Variants in MAP2K4 observed in about 807,000 individuals in gnomAD.
MAP2K4 encodes the protein dual specificity mitogen-activated protein kinase kinase 4.
A neutral mutation model predicts 48.5 loss-of-function variants in MAP2K4; 4 were observed. The observed-to-expected ratio is 0.08, with a 90% confidence interval of 0.04 to 0.19. MAP2K4 has a LOEUF of 0.19. MAP2K4 is among the 10% of genes least tolerant of loss of function. The probability of loss-of-function intolerance (pLI) is 1.00; values close to 1 mark genes in which losing one functional copy is unlikely to be tolerated. For missense variants in MAP2K4, 258 were observed against 493.3 expected, an observed-to-expected ratio of 0.52 and a Z score of 4.52; for synonymous variants, 166 against 173.1, an observed-to-expected ratio of 0.96 and a Z score of 0.32.
intron 9 of MAP2K4, 147 bp from the exon 10 acceptor site, chr17:12,139,692 T>C: frequency 1.8e-6 from 1 of 543,228 alleles, no homozygotes; most frequent in Non-Finnish European, 3.3e-6. Context: ...GTATGTGCTT[T>C]TACTGTGTTT....
At chr17:12,061,337 A>G (rs1970443969) in intron 2 of MAP2K4, among the ~76,000 whole-genome samples, 1 of 152,134 alleles carries the variant, frequency 6.6e-6, no homozygotes, top group South Asian at 2.1e-4. Flanking sequence ...CAGTTTAGGG[A>G]TATTCAGTCT....
intron 1 of MAP2K4, among the ~76,000 whole-genome samples, chr17:12,031,688 A>T (rs1482049591): frequency 4.6e-5 from 7 of 152,202 alleles, no homozygotes; most frequent in Admixed American, 4.6e-4. Context: ...CAGCTTTCTC[A>T]TTCCTAGGGA....
Position 12,020,921 on chromosome 17 carries a change from C to CCGGGGG in MAP2K4, c.39_44dup (p.Gly14_Gly15dup). 1.6e-6 allele frequency: 2 copies of CCGGGGG among 1,216,216 alleles called. No homozygotes were observed. Among genetic ancestry groups the CCGGGGG allele is most frequent in the Non-Finnish European group, 2.0e-6 (2 of 978,212 alleles). 75.3% of individuals were successfully genotyped at this position (1,216,216 alleles called of 1,614,324 possible). ...CCGAGCCCGAGCGGCGGCGGCGGCT[C>CCGGGGG]CGGGGGCGGCAGCGGCAGCGGCACC... On this transcript the variant is annotated inframe_insertion, in exon 1 of 11. Transcript: ENST00000353533.
intron 3 of MAP2K4, among the ~76,000 whole-genome samples, chr17:12,092,748 C>A (rs558894756): frequency 1.5e-4 from 23 of 152,222 alleles, no homozygotes; most frequent in African/African-American, 5.1e-4. Context: ...GTTAGCAGGT[C>A]GGTCACAGTG....
At chr17:12,133,417 G>A (rs1398877314) in intron 9 of MAP2K4, among the ~76,000 whole-genome samples, 2 of 152,246 alleles carry the variant, frequency 1.3e-5, no homozygotes, top group Middle Eastern at 3.4e-3. Context: ...CCCCAGATAA[G>A]GAATTTTGCT....
chr17:12,035,984 G>A (rs1443338001), intron 1 of MAP2K4, among the ~76,000 whole-genome samples: 9 of 152,260 alleles, frequency 5.9e-5, no homozygotes, highest in East Asian at 1.9e-4. Flanking sequence ...AGATGTGTGT[G>A]TGTGTGTTTA....
In MAP2K4 at chr17:12,143,391, A is replaced by G. The variant is rs1412724964; in HGVS notation, c.*2131A>G. The G allele has an allele frequency of 4.3e-6, 1 of 232,830 alleles. No individual in the cohort carries two copies. The highest frequency in any genetic ancestry group is 8.5e-6 in the Non-Finnish European group (1 of 117,582). The allele number at this position is 232,830 out of a possible 1,614,324, so 14.4% of individuals were successfully genotyped here. On this transcript the variant is annotated 3_prime_UTR_variant, in exon 11 of 11. Coordinates refer to ENST00000353533, the MANE Select transcript of MAP2K4 (RefSeq NM_003010.4). Reference sequence around the variant, plus strand: ...CTATAAACTTAAGGGCAAGGAGTTTATTACAATGTATCTTTATTAAAACAA... The same window carrying G: ...CTATAAACTTAAGGGCAAGGAGTTTGTTACAATGTATCTTTATTAAAACAA...
intron 1 of MAP2K4, among the ~76,000 whole-genome samples, chr17:12,043,061 A>G (rs1969844298): frequency 6.6e-6 from 1 of 151,898 alleles, no homozygotes; most frequent in Non-Finnish European, 1.5e-5. Flanking sequence ...AAAAAAAAAG[A>G]TGTTCTTGAA....
At chr17:12,115,465 G>A in intron 7 of MAP2K4, 1 of 546,052 alleles carries the variant, frequency 1.8e-6, no homozygotes, top group Non-Finnish European at 3.5e-6. Flanking sequence ...TATCACAACA[G>A]CAACTATTTG....
At chr17:12,088,557 AAT>A (rs1491109204) in intron 3 of MAP2K4, among the ~76,000 whole-genome samples, 1 of 39,268 alleles carries the variant, frequency 2.5e-5, no homozygotes, top group Non-Finnish European at 9.8e-5. Flanking sequence ...TCTAATATAT[AAT>A]ATATATTAAA....
chr17:12,041,617 CCTGCATAACATCCAGTTAT>C (rs1182084801), intron 1 of MAP2K4, among the ~76,000 whole-genome samples: 4 of 152,022 alleles, frequency 2.6e-5, no homozygotes, highest in Non-Finnish European at 5.9e-5. Context: ...TTTCAGAGAA[CCTGCATAACATCCAGTTAT>C]ACATATTTTG....
intron 1 of MAP2K4, among the ~76,000 whole-genome samples, chr17:12,047,007 C>A (rs1969985712): frequency 6.6e-6 from 1 of 152,014 alleles, no homozygotes; most frequent in Non-Finnish European, 1.5e-5. Context: ...CTGATAGGAG[C>A]TGTTAAGCCT....
intron 1 of MAP2K4, among the ~76,000 whole-genome samples, chr17:12,053,626 A>G (rs1218046230): frequency 6.6e-6 from 1 of 151,574 alleles, no homozygotes; most frequent in Admixed American, 6.6e-5. Context: ...TCCTTCCTCT[A>G]CATTATGTGG....
chr17:12,090,992 G>A (rs1437469745), intron 3 of MAP2K4, among the ~76,000 whole-genome samples: 1 of 152,112 alleles, frequency 6.6e-6, no homozygotes, highest in African/African-American at 2.4e-5. Context: ...CCAACAAATT[G>A]TATGTGAGAG....
intron 1 of MAP2K4, among the ~76,000 whole-genome samples, chr17:12,050,982 A>T (rs182444131): frequency 1.3e-5 from 2 of 152,246 alleles, no homozygotes; most frequent in African/African-American, 4.8e-5. Flanking sequence ...ATGCTGTGAA[A>T]AGCTTGTTTG....
intron 2 of MAP2K4, among the ~76,000 whole-genome samples, chr17:12,058,361 G>T (rs1597421591): frequency 6.6e-6 from 1 of 151,724 alleles, no homozygotes; most frequent in East Asian, 1.9e-4. Flanking sequence ...TACTGCGCCT[G>T]GCCTAGAACT....
chr17:12,104,621 T>C lies in MAP2K4; in HGVS notation c.514-3169T>C, dbSNP rs192712339. Among the ~76,000 whole-genome samples, 10 of 152,274 alleles carry C rather than the reference T, an allele frequency of 6.6e-5. No individual in the cohort carries two copies. In the East Asian group the frequency reaches 1.9e-3, roughly 29 times the overall value. Reference sequence around the variant, plus strand: ...GAGTTTGGTCTTTCCCTAATTAGTTTAGCATAACTCTTTATTATTCAGGAT... The same window carrying C: ...GAGTTTGGTCTTTCCCTAATTAGTTCAGCATAACTCTTTATTATTCAGGAT... On this transcript the variant is annotated intron_variant, in intron 4 of 10. Transcript: ENST00000353533.
intron 4 of MAP2K4, among the ~76,000 whole-genome samples, chr17:12,106,162 G>C (rs1178029885): frequency 1.3e-5 from 2 of 151,882 alleles, no homozygotes; most frequent in East Asian, 3.9e-4. Context: ...TCTTTCTACT[G>C]TTTTTATAAG....
chr17:12,078,176 T>C (rs1430022375), intron 2 of MAP2K4, among the ~76,000 whole-genome samples: 2 of 152,114 alleles, frequency 1.3e-5, no homozygotes, highest in African/African-American at 4.8e-5. Context: ...AGGATCCTGT[T>C]AGGGAGGATG....
Sources: allele counts gnomAD v4.1 joint callset (sites outside exome capture counted in the v4.1 genomes callset), GRCh38; gene constraint gnomAD v4.1.1; transcripts MANE v1.5; gene names NCBI Gene and HGNC (gene_info 2026-07-23, HGNC 2026-07-21).